The following CCSER1 variants were observed in gnomAD, a reference collection of about 807,000 sequenced individuals.
CCSER1 encodes coiled-coil serine rich protein 1.
A neutral mutation model predicts 82.0 loss-of-function variants in CCSER1; 41 were observed. The observed-to-expected ratio is 0.50, with a 90% CI of 0.39 to 0.65. The LOEUF (loss-of-function observed/expected upper bound fraction) is 0.65, where lower values mean the gene tolerates loss of function less well. Ranked by LOEUF, CCSER1 falls within the 30% of genes least tolerant of loss-of-function variation. The pLI, the probability that CCSER1 is intolerant of heterozygous loss-of-function variation, is 0.00. For missense variants in CCSER1, 1,119 were observed against 1,064.2 expected, an observed-to-expected ratio of 1.05 and a Z score of -0.72; for synonymous variants, 414 against 383.9, an observed-to-expected ratio of 1.08 and a Z score of -0.92.
chr4:90,258,071 C>T (rs1285714455), intron 1 of CCSER1, among the ~76,000 whole-genome samples: 6 of 152,168 alleles, frequency 3.9e-5, no homozygotes, highest in Non-Finnish European at 8.8e-5. Flanking sequence ...TAGCTGTTAA[C>T]TCCAATCATT....
At chr4:90,385,437 G>C (rs1561140370) in intron 3 of CCSER1, among the ~76,000 whole-genome samples, 1 of 144,006 alleles carries the variant, frequency 6.9e-6, no homozygotes, top group Non-Finnish European at 1.5e-5. Context: ...GTTCTGACTA[G>C]GGAAAGATGG....
chr4:90,759,615 G>A (rs1750118700), intron 7 of CCSER1, among the ~76,000 whole-genome samples: 1 of 152,160 alleles, frequency 6.6e-6, no homozygotes, highest in African/African-American at 2.4e-5. Context: ...TGAACTTGGA[G>A]TTGGGAAAAG....
chr4:90,453,275 G>C (rs1161650087), intron 4 of CCSER1, among the ~76,000 whole-genome samples: 2 of 152,172 alleles, frequency 1.3e-5, no homozygotes, highest in Non-Finnish European at 2.9e-5. Context: ...TCAGTTAGCA[G>C]GTTATAGGAA....
intron 5 of CCSER1, among the ~76,000 whole-genome samples, chr4:90,550,118 C>T (rs1477556843): frequency 6.6e-6 from 1 of 151,804 alleles, no homozygotes; most frequent in East Asian, 1.9e-4. Flanking sequence ...GAAGGGGGTC[C>T]CAGGGGAAGA....
At chr4:91,423,333 G>T (rs1194274185) in intron 10 of CCSER1, among the ~76,000 whole-genome samples, 1 of 151,892 alleles carries the variant, frequency 6.6e-6, no homozygotes, top group Admixed American at 6.6e-5. Flanking sequence ...AGGAGACTGA[G>T]GCAGGAGAAT....
chr4:90,170,238 C>G (rs908440319), intron 1 of CCSER1, among the ~76,000 whole-genome samples: 2 of 151,954 alleles, frequency 1.3e-5, no homozygotes, highest in African/African-American at 2.4e-5. Flanking sequence ...GCTATTGTTT[C>G]TATCTTAGAA....
At chr4:91,079,438 A>G (rs1722430706) in intron 9 of CCSER1, among the ~76,000 whole-genome samples, 1 of 152,214 alleles carries the variant, frequency 6.6e-6, no homozygotes, top group Non-Finnish European at 1.5e-5. Flanking sequence ...TAAACATAGA[A>G]AGGAACATCT....
chr4:90,353,719 G>A (rs1010528599), intron 3 of CCSER1, among the ~76,000 whole-genome samples: 1 of 152,142 alleles, frequency 6.6e-6, no homozygotes, highest in African/African-American at 2.4e-5. Context: ...GAAAACACAA[G>A]ACAATATCCA....
intron 10 of CCSER1, among the ~76,000 whole-genome samples, chr4:91,129,042 C>T (rs976398809): frequency 2.0e-5 from 3 of 152,026 alleles, no homozygotes; most frequent in Admixed American, 6.6e-5. Flanking sequence ...GGCTTTAACT[C>T]TATTTCTCTG....
chr4:91,013,854 C>A (rs1449601156), intron 9 of CCSER1, among the ~76,000 whole-genome samples: 1 of 129,166 alleles, frequency 7.7e-6, no homozygotes, highest in Admixed American at 7.8e-5. Flanking sequence ...ATCTCCTGAC[C>A]TCGTGATCCG....
At chr4:90,211,422 G>A (rs947827669) in intron 1 of CCSER1, among the ~76,000 whole-genome samples, 6 of 152,216 alleles carry the variant, frequency 3.9e-5, no homozygotes, top group Non-Finnish European at 8.8e-5. Context: ...CATTTAAAAT[G>A]AGTAAGAATG....
intron 10 of CCSER1, among the ~76,000 whole-genome samples, chr4:91,548,474 G>T (rs1171825606): frequency 6.6e-6 from 1 of 151,244 alleles, no homozygotes; most frequent in Non-Finnish European, 1.5e-5. Flanking sequence ...ATAGACTCAA[G>T]TTTCTAGTCT....
intron 9 of CCSER1, among the ~76,000 whole-genome samples, chr4:91,070,112 G>C (rs192202983): frequency 6.6e-6 from 1 of 151,750 alleles, no homozygotes; most frequent in East Asian, 1.9e-4. Context: ...AGCCTCCCAA[G>C]TAGCTGGGAT....
intron 10 of CCSER1, among the ~76,000 whole-genome samples, chr4:91,282,998 T>C (rs1006895582): frequency 5.3e-5 from 8 of 152,082 alleles, no homozygotes; most frequent in African/African-American, 1.4e-4. Context: ...ATACATATTA[T>C]TTAATCTTTT....
At chr4:90,626,010 C>A (rs73833738) in intron 5 of CCSER1, among the ~76,000 whole-genome samples, 9 of 151,946 alleles carry the variant, frequency 5.9e-5, no homozygotes, top group African/African-American at 2.2e-4. Context: ...CCATGACTGA[C>A]CAAATAATTT....
chr4:90,887,743 G>A (rs541516519), intron 8 of CCSER1, among the ~76,000 whole-genome samples: 34 of 152,050 alleles, frequency 2.2e-4, no homozygotes, highest in Non-Finnish European at 4.4e-4. Context: ...TTAGTTAGGC[G>A]TGGTGGTGCG....
intron 4 of CCSER1, among the ~76,000 whole-genome samples, chr4:90,457,663 A>G (rs1560546831): frequency 6.6e-6 from 1 of 152,106 alleles, no homozygotes; most frequent in Non-Finnish European, 1.5e-5. Flanking sequence ...CCAGGCTTTT[A>G]TGGGCTTCAA....
Position 91,099,919 on chromosome 4 carries a change from A to G in CCSER1, c.2217+13925A>G, listed in dbSNP as rs369940175. Among the ~76,000 whole-genome samples the G allele has an allele frequency of 2.0e-5, 3 of 152,288 alleles. No individual in the cohort carries two copies. The East Asian group carries it at 5.8e-4, about 29-fold the overall frequency. ...CTCTTTAGGCTTGGGAGGGCCAGGAAGAAAAAAAACTAGCTATGTTAGTAG... is the reference window on the plus strand; with the variant it reads ...CTCTTTAGGCTTGGGAGGGCCAGGAGGAAAAAAAACTAGCTATGTTAGTAG... On this transcript the variant is annotated intron_variant, in intron 10 of 10. Transcript: ENST00000509176.
At chr4:91,191,291 C>T (rs1734974915) in intron 10 of CCSER1, among the ~76,000 whole-genome samples, 1 of 152,122 alleles carries the variant, frequency 6.6e-6, no homozygotes, top group African/African-American at 2.4e-5. Flanking sequence ...TTCAATTTCT[C>T]CCTTTCCACT....
Sources: allele counts gnomAD v4.1 joint callset (sites outside exome capture counted in the v4.1 genomes callset), GRCh38; gene constraint gnomAD v4.1.1; transcripts MANE v1.5; gene names NCBI Gene and HGNC (gene_info 2026-07-23, HGNC 2026-07-21).